The following DEFB124 variants were observed in gnomAD, a reference collection of about 807,000 sequenced individuals.
DEFB124 encodes defensin beta 124, also known as beta-defensin 124.
For synonymous variants in DEFB124, 38 were observed against 36.5 expected, an observed-to-expected ratio of 1.04 and a Z score of -0.15; for missense variants, 78 against 83.1, an observed-to-expected ratio of 0.94 and a Z score of 0.24.
chr20:31,471,196 A>C (rs1600568745), intron 2 of DEFB124, among the ~76,000 whole-genome samples: 3 of 106,654 alleles, frequency 2.8e-5, no homozygotes, highest in African/African-American at 3.7e-5. Context: ...TGACTCCCCC[A>C]CCTCCCTCCC....
intron 2 of DEFB124, among the ~76,000 whole-genome samples, chr20:31,470,153 C>G (rs1341620093): frequency 7.6e-6 from 1 of 130,786 alleles, no homozygotes; most frequent in Non-Finnish European, 1.6e-5. Flanking sequence ...TAGGGGCGGC[C>G]GGGCAGAGGT....
intron 2 of DEFB124, among the ~76,000 whole-genome samples, chr20:31,471,260 T>TGCC (rs1254429524): frequency 9.0e-6 from 1 of 110,732 alleles, no homozygotes; most frequent in African/African-American, 3.6e-5. Flanking sequence ...TAGGGGCGGC[T>TGCC]GGGCAGAGGC....
chr20:31,470,208 A>AC (rs1316553289), intron 2 of DEFB124, among the ~76,000 whole-genome samples: 14 of 115,318 alleles, frequency 1.2e-4, no homozygotes, highest in South Asian at 8.6e-4. Flanking sequence ...CGGGGGGCTG[A>AC]CCCCCCCACC....
At chr20:31,466,425 C>T (rs1197680367) in intron 2 of DEFB124, among the ~76,000 whole-genome samples, 1 of 151,738 alleles carries the variant, frequency 6.6e-6, no homozygotes, top group Non-Finnish European at 1.5e-5. Context: ...CATGGCAAAA[C>T]CCCATCTCTA....
chr20:31,469,944 G>A (rs1345620903), intron 2 of DEFB124, among the ~76,000 whole-genome samples: 13 of 150,044 alleles, frequency 8.7e-5, no homozygotes, highest in African/African-American at 3.3e-4. Flanking sequence ...ATCCCGGCCC[G>A]TTCTCAATGA....
intron 2 of DEFB124, among the ~76,000 whole-genome samples, chr20:31,470,964 A>G (rs34842982): frequency 1.0e-3 from 88 of 84,212 alleles, no homozygotes; most frequent in Middle Eastern, 0.013. Flanking sequence ...GCTGGGCAGA[A>G]GCGCCCCTCA....
rs757708436 is a variant in DEFB124 at position 31,472,715 on chromosome 20, T to C, written c.58+241A>G. The C allele has an allele frequency of 4.2e-4, 187 of 448,994 alleles. 1 individual carries two copies. Among genetic ancestry groups the C allele is most frequent in the Non-Finnish European group, 6.5e-4 (167 of 256,718 alleles). The allele number at this position is 448,994 out of a possible 1,614,324, so 27.8% of individuals were successfully genotyped here. On this transcript the variant is annotated intron_variant, in intron 2 of 2. Transcript: ENST00000317676. Reference sequence around the variant, plus strand: ...GCTACATGTCTTTCACTGTTATTATTTCACAACCATCATAACATAAATGAA... The same window carrying C: ...GCTACATGTCTTTCACTGTTATTATCTCACAACCATCATAACATAAATGAA...
intron 2 of DEFB124, chr20:31,472,570 C>A: frequency 5.2e-6 from 1 of 191,290 alleles, no homozygotes; most frequent in South Asian, 1.1e-4. Context: ...CTAACCCCTT[C>A]CCTTGCCTTT....
At chr20:31,474,533 A>C (rs1980421771) in intron 1 of DEFB124, among the ~76,000 whole-genome samples, 94 bp downstream of exon 1, 1 of 152,112 alleles carries the variant, frequency 6.6e-6, no homozygotes, top group Admixed American at 6.5e-5. Context: ...CCAATTTCTC[A>C]AGACCTAAAG....
At chr20:31,472,378 CAGAGGGAGACAGTGGAAAGAGAGGG>C (rs2122457084) in intron 2 of DEFB124, among the ~76,000 whole-genome samples, 2 of 144,922 alleles carry the variant, frequency 1.4e-5, no homozygotes, top group African/African-American at 5.1e-5. Flanking sequence ...GGCTCGGCAT[CAGAGGGAGACAGTGGAAAGAGAGGG>C]AGAGGGAGAC....
At chr20:31,468,972 A>G (rs1980152358) in intron 2 of DEFB124, among the ~76,000 whole-genome samples, 1 of 152,118 alleles carries the variant, frequency 6.6e-6, no homozygotes, top group Non-Finnish European at 1.5e-5. Context: ...TCAAAGAAGT[A>G]TCCTTTAAAA....
chr20:31,471,821 C>T (rs1267102032), intron 2 of DEFB124, among the ~76,000 whole-genome samples: 3 of 148,920 alleles, frequency 2.0e-5, no homozygotes, highest in Non-Finnish European at 3.0e-5. Context: ...CGGGCAGAGA[C>T]GCTCCTCACT....
At chr20:31,472,815 G>A in intron 2 of DEFB124, 141 bp downstream of exon 2, 2 of 999,346 alleles carry the variant, frequency 2.0e-6, no homozygotes, top group Non-Finnish European at 1.4e-6. Flanking sequence ...GCTCTAAGTT[G>A]CCCACCAAGT....
chr20:31,471,300 C>G (rs1169785046), intron 2 of DEFB124, among the ~76,000 whole-genome samples: 3 of 126,274 alleles, frequency 2.4e-5, no homozygotes, highest in Non-Finnish European at 3.4e-5. Flanking sequence ...GGGCGGCTGG[C>G]CGGGCGGGGG....
intron 2 of DEFB124, among the ~76,000 whole-genome samples, chr20:31,472,432 G>GGGGAGAA (rs1491224892): frequency 5.5e-5 from 7 of 127,304 alleles, no homozygotes; most frequent in African/African-American, 1.8e-4. Context: ...AGAGGGGAGA[G>GGGGAGAA]GGGAGAAGGG....
chr20:31,470,903 G>A (rs1276707353), intron 2 of DEFB124, among the ~76,000 whole-genome samples: 5 of 138,906 alleles, frequency 3.6e-5, no homozygotes, highest in Admixed American at 1.4e-4. Flanking sequence ...CCTCCCTCCC[G>A]GACGGGGTGG....
chr20:31,467,844 C>T (rs945091001), intron 2 of DEFB124, among the ~76,000 whole-genome samples: 12 of 151,914 alleles, frequency 7.9e-5, no homozygotes, highest in African/African-American at 2.9e-4. Flanking sequence ...CCTCTAATTC[C>T]TAGGCTCAAG....
intron 2 of DEFB124, among the ~76,000 whole-genome samples, chr20:31,468,601 G>C (rs924656720): frequency 6.6e-6 from 1 of 151,504 alleles, no homozygotes; most frequent in South Asian, 2.1e-4. Context: ...TCAGCCTCCC[G>C]AGTAGCTGGG....
intron 2 of DEFB124, among the ~76,000 whole-genome samples, chr20:31,470,694 T>C (rs1230937780): frequency 8.6e-3 from 367 of 42,448 alleles, no homozygotes; most frequent in Middle Eastern, 0.019. Flanking sequence ...GGCGGCTGGC[T>C]GGGCGGGGGG....
Sources: allele counts gnomAD v4.1 joint callset (sites outside exome capture counted in the v4.1 genomes callset), GRCh38; gene constraint gnomAD v4.1.1; transcripts MANE v1.5; gene names NCBI Gene and HGNC (gene_info 2026-07-23, HGNC 2026-07-21).